TBATA: variants seen among roughly 807,000 people sequenced by gnomAD.
TBATA encodes the protein protein TBATA.
In TBATA, 47 loss-of-function variants were observed where a neutral mutation model predicts 38.7. That is an observed-to-expected ratio of 1.21 (90% CI 0.96 to 1.55). TBATA has a LOEUF of 1.55. TBATA is among the 40% of genes most tolerant of loss of function. The probability of loss-of-function intolerance (pLI) is 0.00; values close to 1 mark genes in which losing one functional copy is unlikely to be tolerated. For missense variants in TBATA, 436 were observed against 435.6 expected (o/e 1.00, Z -0.01); for synonymous variants, 183 against 170.5 (o/e 1.07, Z -0.57).
chr10:70,783,675 A>G, intron 2 of TBATA, 150 bp from the exon 3 acceptor site: 1 of 330,496 alleles, frequency 3.0e-6, no homozygotes. Context: ...TGTTCAAAAT[A>G]GCAAAAACCT....
chr10:70,782,442 C>A (rs1435168710), intron 3 of TBATA: 1 of 1,294,768 alleles, frequency 7.7e-7, no homozygotes, highest in African/African-American at 1.5e-5. Context: ...TCTCCCCAAG[C>A]CAGACTGTGG....
chr10:70,783,363 T>C lies in TBATA; in HGVS notation c.17A>G (p.Gln6Arg), dbSNP rs972594058. ...CCTCATCAGTGGATAATCAGCCAATTGAACATCTGTAGCCATTGTATGCTT... is the reference window on the plus strand; with the variant it reads ...CCTCATCAGTGGATAATCAGCCAATCGAACATCTGTAGCCATTGTATGCTT... Reference protein sequence around the residue: MATDVQLADYPLMSPK... With the variant: MATDVRLADYPLMSPK... The change falls in exon 3 of 11, where the codon CAA becomes CGA. Residue 6 changes from glutamine (Q) to arginine (R), a missense_variant. Coordinates refer to ENST00000456372, the MANE Select transcript of TBATA (RefSeq NM_001318241.2). 6.2e-7 allele frequency: 1 copy of C among 1,614,160 alleles called. No homozygotes were observed. The highest frequency in any genetic ancestry group is 2.2e-5 in the East Asian group (1 of 44,892).
chr10:70,778,682 C>G, intron 5 of TBATA, 46 bp from the exon 6 acceptor site: 1 of 1,549,920 alleles, frequency 6.5e-7, no homozygotes, highest in African/African-American at 1.4e-5. Context: ...CAGGGGCCCT[C>G]CTCCCCTCCC....
Position 70,774,307 on chromosome 10 carries a change from GA to G in TBATA, c.825del (p.Gln277SerfsTer3). ...GTAGGGATGGAGACTAGGGGCTGGGGAAGGAGCTGAGCCACTGCTGTCTGCA... is the reference window on the plus strand; with the variant it reads ...GTAGGGATGGAGACTAGGGGCTGGGGAGGAGCTGAGCCACTGCTGTCTGCA... Reference protein sequence around the residue: ...GLLQTAVAQLLPQPLVSIPTE... With the variant: ...GLLQTAVAQLXPQPLVSIPTE... On this transcript the variant is annotated frameshift_variant, in exon 9 of 11. Coordinates refer to ENST00000456372, the MANE Select transcript of TBATA (RefSeq NM_001318241.2). LOFTEE classifies it high-confidence loss of function. 1 of 1,607,808 alleles carries G rather than the reference GA, an allele frequency of 6.2e-7. No individual in the cohort carries two copies. Among genetic ancestry groups the G allele is most frequent in the South Asian group, 1.1e-5 (1 of 89,182 alleles).
intron 8 of TBATA, 126 bp downstream of exon 8, chr10:70,775,063 G>A: frequency 1.3e-6 from 1 of 794,008 alleles, no homozygotes; most frequent in South Asian, 1.9e-5. Flanking sequence ...AAGTGGAGGA[G>A]AGGCCTCCAT....
chr10:70,780,092 C>A (rs551542830), intron 4 of TBATA, among the ~76,000 whole-genome samples: 1 of 152,282 alleles, frequency 6.6e-6, no homozygotes, highest in African/African-American at 2.4e-5. Context: ...GGTAGGCAGG[C>A]AGCTTAAAGA....
chr10:70,774,417 CG>C lies in TBATA; in HGVS notation c.776-61del. Reference sequence around the variant, plus strand: ...CCCAGCCCCCTTCCTGTCCCTGTGGCGGGGCCAGAAGCAGGGCCTCCATCCA... The same window carrying C: ...CCCAGCCCCCTTCCTGTCCCTGTGGCGGGCCAGAAGCAGGGCCTCCATCCA... On this transcript the variant is annotated intron_variant, in intron 8 of 10. Coordinates refer to ENST00000456372, the MANE Select transcript of TBATA (RefSeq NM_001318241.2). The C allele has an allele frequency of 4.0e-6, 6 of 1,505,294 alleles. No homozygotes were observed. The South Asian group carries it at 6.1e-5, about 15-fold the overall frequency. The allele number at this position is 1,505,294 out of a possible 1,614,324, so 93.2% of individuals were successfully genotyped here.
intron 6 of TBATA, 87 bp from the exon 7 acceptor site, chr10:70,777,425 C>T: frequency 3.1e-6 from 4 of 1,298,550 alleles, no homozygotes; most frequent in Non-Finnish European, 4.3e-6. Flanking sequence ...GAGGCCGGGT[C>T]ACAATCCCAG....
At chr10:70,775,315 G>A (rs1185702233) in intron 7 of TBATA, 45 bp from the exon 8 acceptor site, 2 of 1,550,278 alleles carry the variant, frequency 1.3e-6, no homozygotes, top group South Asian at 1.1e-5. Context: ...GTACAGGCAA[G>A]GAGTACAGGC....
chr10:70,771,338 C>T lies in TBATA; in HGVS notation c.*38G>A, dbSNP rs747716525. The stretch of plus-strand genomic sequence containing the variant: ...CAGAAACACCCCTGAACCCTTGGGG[C>T]TGCTCTTGAGCAAGGCAGGTGCAAG... On this transcript the variant is annotated 3_prime_UTR_variant, in exon 11 of 11. Coordinates refer to ENST00000456372, the MANE Select transcript of TBATA (RefSeq NM_001318241.2). 3.1e-6 allele frequency: 5 copies of T among 1,613,958 alleles called. No homozygotes were observed. Among genetic ancestry groups the T allele is most frequent in the Non-Finnish European group, 4.2e-6 (5 of 1,179,942 alleles).
At chr10:70,781,733 T>C (rs1844240758) in intron 4 of TBATA, 68 bp downstream of exon 4, 3 of 1,430,858 alleles carry the variant, frequency 2.1e-6, no homozygotes, top group Non-Finnish European at 2.9e-6. Flanking sequence ...CATCAATTCT[T>C]GCTTCCCAGT....
In TBATA at chr10:70,777,239, G is replaced by T; in HGVS notation, c.607C>A (p.Arg203Ser). The T allele has an allele frequency of 6.2e-7, 1 of 1,613,584 alleles. No individual in the cohort carries two copies. Among genetic ancestry groups the T allele is most frequent in the Non-Finnish European group, 8.5e-7 (1 of 1,179,934 alleles). Residue 203 changes from arginine to serine, a missense_variant, in exon 7 of 11, where the codon CGC (arginine) becomes AGC (serine). Coordinates refer to ENST00000456372, the MANE Select transcript of TBATA (RefSeq NM_001318241.2). Reference protein sequence around the residue: ...IPASTRAVGRRRSHQGQQSQS... With the variant: ...IPASTRAVGRSRSHQGQQSQS... ...CTCTGCTGGCCCTGGTGAGATCTGC[G>T]GCGGCCGACAGCCCGGGTGGAAGCG...
intron 4 of TBATA, among the ~76,000 whole-genome samples, chr10:70,781,046 C>T (rs1844142800): frequency 6.6e-6 from 1 of 152,190 alleles, no homozygotes; most frequent in South Asian, 2.1e-4. Flanking sequence ...CAAATGCCTA[C>T]CTGATCTGGG....
chr10:70,775,333 G>A (rs971136437), intron 7 of TBATA, 63 bp from the exon 8 acceptor site: 7 of 1,440,440 alleles, frequency 4.9e-6, no homozygotes, highest in Non-Finnish European at 5.9e-6. Context: ...GGCAAATGTA[G>A]GTTTGGAGGG....
chr10:70,774,340 C>T lies in TBATA; in HGVS notation c.793G>A (p.Gly265Arg). The part of the protein sequence containing the change: ...APPKEKDLAL[G>R]LLQTAVAQLL... ...TGAGCCACTGCTGTCTGCAGGAGTC[C>T]CAGAGCGAGGTCTTTTTCTGAAAGC... Residue 265 changes from glycine to arginine, a missense_variant, in exon 9 of 11, where the codon GGA (glycine) becomes AGA (arginine). Transcript: ENST00000456372. 1 of 1,598,780 alleles carries T rather than the reference C, an allele frequency of 6.3e-7. No homozygotes were observed. Among genetic ancestry groups the T allele is most frequent in the Non-Finnish European group, 8.5e-7 (1 of 1,173,604 alleles).
At chr10:70,774,116 G>C in intron 9 of TBATA, 97 bp downstream of exon 9, 6 of 1,514,094 alleles carry the variant, frequency 4.0e-6, no homozygotes, top group Non-Finnish European at 5.3e-6. Context: ...AGTCAGCCCA[G>C]ACCCTGGTCA....
At position 70,783,417 on chromosome 10, in the gene TBATA, A is replaced by G; in HGVS notation, c.-38T>C. On this transcript the variant is annotated 5_prime_UTR_variant, in exon 3 of 11. Transcript: ENST00000456372. ...AACAGACTAAAGGCCAGTGCACTTA[A>G]TACTAGCGTTGAGGATGCAGAACAG... 1 of 1,612,426 alleles carries G rather than the reference A, an allele frequency of 6.2e-7. No homozygotes were observed. The highest frequency in any genetic ancestry group is 2.2e-5 in the East Asian group (1 of 44,872).
intron 5 of TBATA, 35 bp downstream of exon 5, chr10:70,779,558 C>A (rs748420208): frequency 4.1e-6 from 6 of 1,452,620 alleles, no homozygotes; most frequent in Non-Finnish European, 5.4e-6. Context: ...AGGCATGAGC[C>A]CCAGGGTAGA....
At position 70,771,315 on chromosome 10, in the gene TBATA, G is replaced by T; in HGVS notation, c.*61C>A. ...TACTGCTGTGAAGGTGGTGGAGACAGAAACACCCCTGAACCCTTGGGGCTG... is the reference window on the plus strand; with the variant it reads ...TACTGCTGTGAAGGTGGTGGAGACATAAACACCCCTGAACCCTTGGGGCTG... On this transcript the variant is annotated 3_prime_UTR_variant, in exon 11 of 11. Coordinates refer to ENST00000456372, the MANE Select transcript of TBATA (RefSeq NM_001318241.2). The T allele has an allele frequency of 6.2e-7, 1 of 1,613,858 alleles. No individual in the cohort carries two copies. The highest frequency in any genetic ancestry group is 8.5e-7 in the Non-Finnish European group (1 of 1,179,804).
Sources: gnomAD v4.1 joint callset for allele counts (sites outside exome capture counted in the v4.1 genomes callset) on GRCh38, gnomAD v4.1.1 for gene constraint, MANE v1.5 for transcripts, NCBI Gene and HGNC (gene_info 2026-07-23, HGNC 2026-07-21) for gene names.